Variants in CDS1 observed in about 807,000 individuals in gnomAD.
CDS1 encodes phosphatidate cytidylyltransferase 1.
A neutral mutation model predicts 62.1 loss-of-function variants in CDS1; 41 were observed. The observed-to-expected ratio is 0.66, with a 90% confidence interval of 0.51 to 0.86. CDS1 has a LOEUF of 0.86. Among genes scored for constraint, CDS1 ranks in the 40% least tolerant of loss-of-function variants. The pLI is 0.00. For missense variants in CDS1, 470 were observed against 550.1 expected (o/e 0.85, Z 1.46); for synonymous variants, 185 against 192.6 (o/e 0.96, Z 0.32).
In CDS1 at chr4:84,617,635, T is replaced by A; in HGVS notation, c.414T>A (p.Asp138Glu). ...TIGYRVYHSY[D>E]LPWFRTLSWY... Reference sequence around the variant, plus strand: ...GTTATAGAGTCTATCATTCTTATGATCTACCATGGTTTAGAACACTAAGTT... The same window carrying A: ...GTTATAGAGTCTATCATTCTTATGAACTACCATGGTTTAGAACACTAAGTT... Residue 138 changes from aspartate (D) to glutamate (E), a missense_variant, in exon 4 of 13, where the codon GAT becomes GAA. By Grantham distance (45) the Asp-to-Glu change is conservative. This residue lies in a region of CDS1 where 34 missense variants were observed against 64.8 expected (regional missense o/e 0.52). Coordinates refer to ENST00000295887, the MANE Select transcript of CDS1 (RefSeq NM_001263.4). 1 of 1,566,828 alleles carries A rather than the reference T, an allele frequency of 6.4e-7. No individual in the cohort carries two copies. The highest frequency in any genetic ancestry group is 1.1e-5 in the South Asian group (1 of 87,202).
At chr4:84,618,532 A>G (rs1479204560) in intron 4 of CDS1, among the ~76,000 whole-genome samples, 1 of 152,236 alleles carries the variant, frequency 6.6e-6, no homozygotes, top group African/African-American at 2.4e-5. Context: ...TTTGAAATGA[A>G]GACAAGTTTT....
At chr4:84,646,898 AT>A (rs1275519814) in intron 12 of CDS1, among the ~76,000 whole-genome samples, 8 of 151,974 alleles carry the variant, frequency 5.3e-5, no homozygotes, top group Non-Finnish European at 1.2e-4. Flanking sequence ...TTGTAAATGT[AT>A]TTTTTTATTT....
At position 84,650,486 on chromosome 4, in the gene CDS1, C is replaced by T. The variant is rs1239386968; in HGVS notation, c.*1800C>T. 1 of 152,030 alleles carries T rather than the reference C, an allele frequency of 6.6e-6. No individual in the cohort carries two copies. The highest frequency in any genetic ancestry group is 1.5e-5 in the Non-Finnish European group (1 of 67,996). 9.4% of individuals were successfully genotyped at this position (152,030 alleles called of 1,614,324 possible). Reference sequence around the variant, plus strand: ...TGGTCATAAAAAAAATTTAGGCTACCAAAGTTTAAAGAATAAAATGAAAAT... The same window carrying T: ...TGGTCATAAAAAAAATTTAGGCTACTAAAGTTTAAAGAATAAAATGAAAAT... On this transcript the variant is annotated 3_prime_UTR_variant, in exon 13 of 13. Transcript: ENST00000295887.
At chr4:84,597,037 A>G (rs1250426952) in intron 1 of CDS1, among the ~76,000 whole-genome samples, 1 of 152,138 alleles carries the variant, frequency 6.6e-6, no homozygotes, top group Admixed American at 6.5e-5. Context: ...GGATGATGTA[A>G]TCAGGTTTGC....
chr4:84,589,133 A>G (rs1722504415), intron 1 of CDS1, among the ~76,000 whole-genome samples: 1 of 152,228 alleles, frequency 6.6e-6, no homozygotes, highest in Non-Finnish European at 1.5e-5. Context: ...CAGAAGCATT[A>G]CAAAGATTTC....
chr4:84,594,252 A>G (rs115869610), intron 1 of CDS1, among the ~76,000 whole-genome samples: 30 of 152,202 alleles, frequency 2.0e-4, no homozygotes, highest in Non-Finnish European at 3.8e-4. Flanking sequence ...TTTATATAGC[A>G]CCCTGAGATA....
chr4:84,594,395 G>C (rs940595490), intron 1 of CDS1, among the ~76,000 whole-genome samples: 1 of 152,080 alleles, frequency 6.6e-6, no homozygotes, highest in African/African-American at 2.4e-5. Context: ...AGTTGTCTCA[G>C]AGCAGCTGTC....
chr4:84,647,422 TCCA>T (rs1202533115), intron 12 of CDS1, among the ~76,000 whole-genome samples: 1 of 152,184 alleles, frequency 6.6e-6, no homozygotes, highest in Non-Finnish European at 1.5e-5. Flanking sequence ...AGCCATGTTG[TCCA>T]CCATTTGAAA....
chr4:84,615,127 T>A (rs1723447628), intron 3 of CDS1, among the ~76,000 whole-genome samples: 2 of 152,158 alleles, frequency 1.3e-5, no homozygotes, highest in Admixed American at 6.5e-5. Context: ...CCAATTTGTA[T>A]AATTCTTTCA....
At chr4:84,640,733 A>T in intron 9 of CDS1, 105 bp from the exon 10 acceptor site, 155 of 581,690 alleles carry the variant, frequency 2.7e-4, no homozygotes, top group Non-Finnish European at 3.7e-4. Flanking sequence ...CTGGCATTCT[A>T]TCTCTGGCCT....
intron 1 of CDS1, among the ~76,000 whole-genome samples, chr4:84,588,379 G>T (rs1405517106): frequency 6.6e-6 from 1 of 152,164 alleles, no homozygotes; most frequent in Non-Finnish European, 1.5e-5. Context: ...GAACAACTTT[G>T]ATTTATGTAA....
intron 8 of CDS1, among the ~76,000 whole-genome samples, chr4:84,637,853 G>A (rs1724260915): frequency 6.6e-6 from 1 of 152,106 alleles, no homozygotes; most frequent in Non-Finnish European, 1.5e-5. Context: ...TTGAATTTGA[G>A]TCTGCTCCTA....
rs1294840233 is a variant in CDS1 at position 84,609,504 on chromosome 4, A to G, written c.321A>G (p.Gly107=). The G allele has an allele frequency of 6.2e-7, 1 of 1,602,452 alleles. No homozygotes were observed. Among genetic ancestry groups the G allele is most frequent in the Non-Finnish European group, 8.5e-7 (1 of 1,169,996 alleles). Residue 107 remains glycine (G), a synonymous_variant, in exon 3 of 13, where the codon GGA becomes GGG. Coordinates refer to ENST00000295887, the MANE Select transcript of CDS1 (RefSeq NM_001263.4). ...ISLFFLIIYM[G]SFMLMLLVLG... ...TGTTTTTCCTGATCATCTATATGGG[A>G]TCCTTCATGCTGATGCTTCTTGTAA...
intron 1 of CDS1, among the ~76,000 whole-genome samples, chr4:84,599,907 A>C (rs1188433311): frequency 6.6e-6 from 1 of 152,104 alleles, no homozygotes. Flanking sequence ...CTAGGAGTGA[A>C]ATGGCTGGGT....
chr4:84,600,900 G>A (rs1407695841), intron 1 of CDS1, among the ~76,000 whole-genome samples: 1 of 152,154 alleles, frequency 6.6e-6, no homozygotes, highest in East Asian at 1.9e-4. Flanking sequence ...TGGGCACGGT[G>A]GCTCACACCT....
chr4:84,642,849 G>A (rs1724428707), intron 10 of CDS1, among the ~76,000 whole-genome samples, 175 bp from the exon 11 acceptor site: 1 of 152,132 alleles, frequency 6.6e-6, no homozygotes, highest in Non-Finnish European at 1.5e-5. Context: ...GTAGAGGATG[G>A]TACAGAAGGC....
chr4:84,620,513 C>T (rs191840344), intron 5 of CDS1, among the ~76,000 whole-genome samples: 31 of 151,600 alleles, frequency 2.0e-4, no homozygotes, highest in African/African-American at 6.0e-4. Context: ...TGAGCCACCG[C>T]GCCTGGCCTA....
chr4:84,592,270 C>G (rs1722615744), intron 1 of CDS1, among the ~76,000 whole-genome samples: 1 of 143,936 alleles, frequency 6.9e-6, no homozygotes, highest in Admixed American at 7.4e-5. Flanking sequence ...CTCCCCGTTT[C>G]AAGCAACTCT....
intron 1 of CDS1, among the ~76,000 whole-genome samples, chr4:84,596,720 G>A (rs1206913086): frequency 1.3e-5 from 2 of 152,030 alleles, no homozygotes; most frequent in Non-Finnish European, 2.9e-5. Flanking sequence ...TGGGGGGAGT[G>A]GGGAGGGAAC....
Sources: gnomAD v4.1 joint callset for allele counts (sites outside exome capture counted in the v4.1 genomes callset) on GRCh38, gnomAD v4.1.1 for gene constraint, gnomAD v4.1.1 regional missense constraint, MANE v1.5 for transcripts, NCBI Gene and HGNC (gene_info 2026-07-23, HGNC 2026-07-21) for gene names.